The following CNTN1 variants were observed in gnomAD, a reference collection of about 807,000 sequenced individuals.
CNTN1 encodes contactin 1.
A neutral mutation model predicts 126.4 loss-of-function variants in CNTN1; 38 were observed. The observed-to-expected ratio is 0.30, with a 90% CI of 0.23 to 0.39. The LOEUF (loss-of-function observed/expected upper bound fraction) is 0.39. Ranked by LOEUF, CNTN1 falls within the 10% of genes least tolerant of loss-of-function variation. CNTN1 has a pLI of 1.00. For synonymous variants in CNTN1, 413 were observed against 422.6 expected, an observed-to-expected ratio of 0.98 and a Z score of 0.28; for missense variants, 1,009 against 1,248.4, an observed-to-expected ratio of 0.81 and a Z score of 2.89.
rs10879631 is a variant in CNTN1, at chr12:41,069,721, C to A, written c.2981-238C>A. 0.11 allele frequency among the ~76,000 whole-genome samples: 17,161 copies of A among 151,998 alleles called. 1,235 individuals carry two copies. Among genetic ancestry groups the A allele is most frequent in the Non-Finnish European group, 0.16 (10,698 of 67,992 alleles). Reference sequence around the variant, plus strand: ...TAGGGACAGCATACACATTTGTGATCATATTATTTTAAATGATTAATCATG... The same window carrying A: ...TAGGGACAGCATACACATTTGTGATAATATTATTTTAAATGATTAATCATG... On this transcript the variant is annotated intron_variant, in intron 23 of 23. Transcript: ENST00000551295.
At chr12:40,777,396 T>TG (rs1939632531) in intron 1 of CNTN1, among the ~76,000 whole-genome samples, 1 of 151,650 alleles carries the variant, frequency 6.6e-6, no homozygotes, top group South Asian at 2.1e-4. Flanking sequence ...ATATGCTGTC[T>TG]GGGAACACAG....
intron 1 of CNTN1, among the ~76,000 whole-genome samples, chr12:40,820,618 C>G (rs1196866693): frequency 6.6e-6 from 1 of 152,040 alleles, no homozygotes; most frequent in African/African-American, 2.4e-5. Flanking sequence ...GAGGTAGCAT[C>G]ACAATAATAA....
intron 17 of CNTN1, among the ~76,000 whole-genome samples, chr12:40,999,289 T>C (rs934889203): frequency 2.0e-5 from 3 of 152,208 alleles, no homozygotes; most frequent in African/African-American, 7.2e-5. Context: ...ACAGTAAAAT[T>C]ATACATGTTA....
chr12:40,816,590 A>G (rs938838094), intron 1 of CNTN1, among the ~76,000 whole-genome samples: 59 of 151,716 alleles, frequency 3.9e-4, no homozygotes, highest in African/African-American at 1.4e-3. Flanking sequence ...TTTCAAAAAA[A>G]CATCCCCTGA....
At chr12:40,729,282 C>G (rs894218635) in intron 1 of CNTN1, 1 of 157,376 alleles carries the variant, frequency 6.4e-6, no homozygotes, top group African/African-American at 2.4e-5. Context: ...GGTGTAACTG[C>G]TGAAGGAACA....
intron 16 of CNTN1, among the ~76,000 whole-genome samples, chr12:40,990,771 G>A (rs527640169): frequency 1.2e-4 from 19 of 152,110 alleles, no homozygotes; most frequent in Admixed American, 3.3e-4. Context: ...TGACCTCCCA[G>A]CTTCCTGGAA....
chr12:40,897,157 A>G (rs1187781045), intron 1 of CNTN1, among the ~76,000 whole-genome samples: 3 of 152,222 alleles, frequency 2.0e-5, no homozygotes, highest in Non-Finnish European at 4.4e-5. Flanking sequence ...ATAGTGTATC[A>G]TTGGTAAATT....
intron 17 of CNTN1, among the ~76,000 whole-genome samples, chr12:41,003,244 T>A (rs1483327664): frequency 6.6e-6 from 1 of 152,240 alleles, no homozygotes; most frequent in African/African-American, 2.4e-5. Context: ...ATGAATCACA[T>A]TTACTGATTT....
chr12:40,926,899 G>A lies in CNTN1; in HGVS notation c.496+2247G>A, dbSNP rs74078652. On this transcript the variant is annotated intron_variant, in intron 6 of 23. Coordinates refer to ENST00000551295, the MANE Select transcript of CNTN1 (RefSeq NM_001843.4). Reference sequence around the variant, plus strand: ...AGTTGAGGGTGGCATAAAAGTTTTTGCTGTGAGATCCTAAAAGAATGAAGT... The same window carrying A: ...AGTTGAGGGTGGCATAAAAGTTTTTACTGTGAGATCCTAAAAGAATGAAGT... 4.0e-3 allele frequency among the ~76,000 whole-genome samples: 603 copies of A among 152,152 alleles called. 3 individuals carry two copies. The highest frequency in any genetic ancestry group is 0.014 in the African/African-American group (584 of 41,518).
intron 1 of CNTN1, among the ~76,000 whole-genome samples, chr12:40,806,968 C>T (rs1940883420): frequency 6.6e-6 from 1 of 152,074 alleles, no homozygotes; most frequent in South Asian, 2.1e-4. Context: ...CAGCTTTCTA[C>T]ATCCTAAATG....
At chr12:40,850,910 G>T (rs1350418819) in intron 1 of CNTN1, among the ~76,000 whole-genome samples, 2 of 152,026 alleles carry the variant, frequency 1.3e-5, no homozygotes, top group African/African-American at 4.8e-5. Context: ...TGGCATAAAT[G>T]GTGTTTGTTT....
intron 1 of CNTN1, among the ~76,000 whole-genome samples, chr12:40,717,103 C>T (rs1212822723): frequency 6.6e-6 from 1 of 152,020 alleles, no homozygotes; most frequent in Admixed American, 6.5e-5. Flanking sequence ...ATAAGAAAGG[C>T]TCAGAAAAGT....
chr12:40,818,502 T>G (rs1175645960), intron 1 of CNTN1, among the ~76,000 whole-genome samples: 2 of 152,234 alleles, frequency 1.3e-5, no homozygotes, highest in Non-Finnish European at 2.9e-5. Context: ...ACTCGTGCTG[T>G]GTTTTTCAGC....
Position 40,944,004 on chromosome 12 carries a change from G to C in CNTN1, c.1517G>C (p.Arg506Pro), listed in dbSNP as rs773587445. ...TGTLVITDPT[R>P]IILAPINADI... ...ATTTAAAAATATATAGATCCTACGC[G>C]AATTATATTGGCCCCAATTAATGCC... The change falls in exon 14 of 24, where the codon CGA becomes CCA. Residue 506 changes from arginine (R) to proline (P), a missense_variant. Coordinates refer to ENST00000551295, the MANE Select transcript of CNTN1 (RefSeq NM_001843.4). 1.9e-6 allele frequency: 3 copies of C among 1,613,228 alleles called. No individual in the cohort carries two copies. Among genetic ancestry groups the C allele is most frequent in the Non-Finnish European group, 2.5e-6 (3 of 1,179,456 alleles).
At chr12:41,006,427 G>A (rs1316555879) in intron 17 of CNTN1, among the ~76,000 whole-genome samples, 1 of 152,230 alleles carries the variant, frequency 6.6e-6, no homozygotes, top group South Asian at 2.1e-4. Context: ...TGGAGACTGT[G>A]TGTGGGCATG....
chr12:40,935,097 C>T (rs1946035092), intron 9 of CNTN1, among the ~76,000 whole-genome samples: 1 of 152,002 alleles, frequency 6.6e-6, no homozygotes, highest in Admixed American at 6.6e-5. Flanking sequence ...GTGATCATGG[C>T]TTTAGACACA....
intron 22 of CNTN1, 27 bp from the exon 23 acceptor site, chr12:41,029,036 C>A (rs1220801850): frequency 6.2e-7 from 1 of 1,610,018 alleles, no homozygotes; most frequent in African/African-American, 1.3e-5. Flanking sequence ...GACTTTACTG[C>A]ATATTTACAT....
chr12:40,945,204 A>C (rs181155865), intron 14 of CNTN1, among the ~76,000 whole-genome samples: 4 of 152,184 alleles, frequency 2.6e-5, no homozygotes, highest in Admixed American at 2.6e-4. Context: ...TTGGCAGAGA[A>C]CTGTAAATTT....
intron 1 of CNTN1, among the ~76,000 whole-genome samples, chr12:40,740,023 A>T (rs1219209118): frequency 6.6e-6 from 1 of 152,066 alleles, no homozygotes; most frequent in African/African-American, 2.4e-5. Flanking sequence ...CCCCTCAAAA[A>T]TTCAACATAA....
Sources: allele counts gnomAD v4.1 joint callset (sites outside exome capture counted in the v4.1 genomes callset), GRCh38; gene constraint gnomAD v4.1.1; transcripts MANE v1.5; gene names NCBI Gene and HGNC (gene_info 2026-07-23, HGNC 2026-07-21).